KCNK9: variants seen among roughly 807,000 people sequenced by gnomAD.
KCNK9 encodes potassium two pore domain channel subfamily K member 9.
KCNK9 carries 1 observed loss-of-function variant against 10.8 expected under a neutral mutation model. That is an observed-to-expected ratio of 0.09 (90% CI 0.03 to 0.44). The LOEUF is 0.44. Ranked by LOEUF, KCNK9 falls within the 20% of genes least tolerant of loss-of-function variation. KCNK9 has a pLI of 0.97. For missense variants in KCNK9, 303 were observed against 515.0 expected (o/e 0.59, Z 3.98); for synonymous variants, 231 against 222.7 (o/e 1.04, Z -0.33).
At position 139,693,013 on chromosome 8, in the gene KCNK9, G is replaced by C. The variant is rs529196387; in HGVS notation, c.283+9697C>G. Among the ~76,000 whole-genome samples, 1 of 152,094 alleles carries C rather than the reference G, an allele frequency of 6.6e-6. No homozygotes were observed. Among genetic ancestry groups the C allele is most frequent in the South Asian group, 2.1e-4 (1 of 4,826 alleles). ...AGAGGCTCACCTCAGGCCCACCTGA[G>C]AGATTCACCCCAACCTCACCTGAGT... On this transcript the variant is annotated intron_variant, in intron 1 of 1. Coordinates refer to ENST00000520439, the MANE Select transcript of KCNK9 (RefSeq NM_001282534.2). This position sits in a 1 kb window ranked among gnomAD's most constrained non-coding sequence, Gnocchi z 4.1.
intron 1 of KCNK9, among the ~76,000 whole-genome samples, chr8:139,625,623 T>C (rs1814946660): frequency 6.6e-6 from 1 of 152,074 alleles, no homozygotes. Context: ...CTGATTTTCA[T>C]GGCCTCTTTA....
chr8:139,700,510 G>A (rs199210), intron 1 of KCNK9, among the ~76,000 whole-genome samples: 40,183 of 114,080 alleles, frequency 0.35, 6,212 homozygotes, highest in Admixed American at 0.43. Context: ...ACACACACAC[G>A]CGCGCGCGCG....
chr8:139,624,986 C>G (rs1159375877), intron 1 of KCNK9, among the ~76,000 whole-genome samples: 1 of 152,236 alleles, frequency 6.6e-6, no homozygotes, highest in Admixed American at 6.5e-5. Flanking sequence ...GACCCCTCTA[C>G]TTCCTCATCT....
At chr8:139,684,980 A>G (rs753590765) in intron 1 of KCNK9, among the ~76,000 whole-genome samples, 1 of 152,240 alleles carries the variant, frequency 6.6e-6, no homozygotes, top group Admixed American at 6.5e-5. Context: ...TAAACACTAC[A>G]TGTGCTAAAC....
At chr8:139,633,627 C>G (rs1455788458) in intron 1 of KCNK9, among the ~76,000 whole-genome samples, 3 of 152,202 alleles carry the variant, frequency 2.0e-5, no homozygotes, top group Non-Finnish European at 4.4e-5. Context: ...AGAGGCCCGG[C>G]TCTCCCAGGC....
At chr8:139,649,414 T>A (rs1339482561) in intron 1 of KCNK9, among the ~76,000 whole-genome samples, 5 of 152,086 alleles carry the variant, frequency 3.3e-5, no homozygotes, top group Admixed American at 6.5e-5. Flanking sequence ...AGGAAGGACT[T>A]AGCAAAATCA....
intron 1 of KCNK9, among the ~76,000 whole-genome samples, chr8:139,664,311 C>T (rs922514155): frequency 4.6e-5 from 7 of 152,138 alleles, no homozygotes; most frequent in African/African-American, 1.4e-4. Context: ...CTGCTGGTTC[C>T]ACTCTTCAGC....
At chr8:139,682,945 C>A (rs1483249764) in intron 1 of KCNK9, among the ~76,000 whole-genome samples, 2 of 150,822 alleles carry the variant, frequency 1.3e-5, no homozygotes, top group Non-Finnish European at 3.0e-5. Context: ...GAAAACAAAA[C>A]TCAAAGGAAA....
intron 1 of KCNK9, among the ~76,000 whole-genome samples, chr8:139,676,865 T>A (rs1346307068): frequency 6.6e-6 from 1 of 152,100 alleles, no homozygotes; most frequent in South Asian, 2.1e-4. Flanking sequence ...GGCACGAGAA[T>A]CATTTGAACC....
chr8:139,651,871 G>A (rs191874383), intron 1 of KCNK9, among the ~76,000 whole-genome samples: 5 of 152,242 alleles, frequency 3.3e-5, no homozygotes, highest in Admixed American at 2.0e-4. Context: ...GGGACTCTTT[G>A]ATCTGGAGTC....
In KCNK9 at chr8:139,618,357, T is replaced by G; in HGVS notation, c.1026A>C (p.Leu342Phe). The G allele has an allele frequency of 1.2e-6, 2 of 1,614,146 alleles. No homozygotes were observed. Among genetic ancestry groups the G allele is most frequent in the East Asian group, 2.2e-5 (1 of 44,874 alleles). ...TAGGCGATGGGAAGAGGCTGTTTTT[T>G]AATGTGCTTGGTGAGATCTCCTCGA... ...YKIEEISPST[L>F]KNSLFPSPIS... Residue 342 changes from leucine (L) to phenylalanine (F), a missense_variant, in exon 2 of 2, where the codon TTA becomes TTC. By Grantham distance (22) the Leu-to-Phe change is conservative. Transcript: ENST00000520439. This position sits in a 1 kb window ranked among gnomAD's most constrained non-coding sequence, Gnocchi z 7.9.
chr8:139,688,895 T>G (rs1816877344), intron 1 of KCNK9, among the ~76,000 whole-genome samples: 1 of 152,200 alleles, frequency 6.6e-6, no homozygotes, highest in Admixed American at 6.5e-5. Flanking sequence ...CCTAGCAGGT[T>G]ACTGTGGGCT....
At chr8:139,645,007 C>T (rs994342928) in intron 1 of KCNK9, among the ~76,000 whole-genome samples, 14 of 152,354 alleles carry the variant, frequency 9.2e-5, no homozygotes, top group South Asian at 2.1e-4. Context: ...AGGTGCGAGG[C>T]GGCTGCAGAA....
chr8:139,605,945 A>G (rs1394969914), intron 2 of KCNK9, among the ~76,000 whole-genome samples: 2 of 152,214 alleles, frequency 1.3e-5, no homozygotes, highest in African/African-American at 2.4e-5. Context: ...CGGCATTCTA[A>G]GGCCATTTGT....
chr8:139,691,283 A>T (rs768782040), intron 1 of KCNK9, among the ~76,000 whole-genome samples: 11 of 152,186 alleles, frequency 7.2e-5, no homozygotes, highest in Non-Finnish European at 1.3e-4. Flanking sequence ...CAAGGATTTC[A>T]CCGTGGATAC....
intron 1 of KCNK9, among the ~76,000 whole-genome samples, chr8:139,673,538 G>A (rs959382956): frequency 6.6e-6 from 1 of 152,166 alleles, no homozygotes; most frequent in Non-Finnish European, 1.5e-5. Flanking sequence ...CTGACAGTGT[G>A]GCTGGTAAAA....
intron 1 of KCNK9, among the ~76,000 whole-genome samples, chr8:139,681,715 G>A (rs1376925638): frequency 6.6e-6 from 1 of 152,236 alleles, no homozygotes; most frequent in African/African-American, 2.4e-5. Context: ...CCAGCTCCCT[G>A]GGGAGGCTGG....
intron 1 of KCNK9, among the ~76,000 whole-genome samples, chr8:139,656,870 C>A (rs1055277174): frequency 6.6e-6 from 1 of 152,190 alleles, no homozygotes; most frequent in Non-Finnish European, 1.5e-5. Flanking sequence ...CCATCTTCTC[C>A]AACACAAATC....
chr8:139,625,810 T>C (rs1040417794), intron 1 of KCNK9, among the ~76,000 whole-genome samples: 2 of 151,806 alleles, frequency 1.3e-5, no homozygotes, highest in East Asian at 1.9e-4. Context: ...ATCATTTCTA[T>C]TGGGTCTGGA....
Sources: gnomAD v4.1 joint callset for allele counts (sites outside exome capture counted in the v4.1 genomes callset) on GRCh38, gnomAD v4.1.1 for gene constraint, Gnocchi (gnomAD v3.1) non-coding constraint, MANE v1.5 for transcripts, NCBI Gene and HGNC (gene_info 2026-07-23, HGNC 2026-07-21) for gene names.